GRIP1: variants seen among roughly 807,000 people sequenced by gnomAD.
The protein encoded by GRIP1 is glutamate receptor-interacting protein 1.
A neutral mutation model predicts 129.9 loss-of-function variants in GRIP1; 45 were observed. That is an observed-to-expected ratio of 0.35 (90% CI 0.27 to 0.44). The LOEUF (loss-of-function observed/expected upper bound fraction) is 0.44. GRIP1 is among the 20% of genes least tolerant of loss of function. The probability of loss-of-function intolerance (pLI) is 1.00; values close to 1 mark genes in which losing one functional copy is unlikely to be tolerated. For missense variants in GRIP1, 1,196 were observed against 1,396.8 expected (o/e 0.86, Z 2.29); for synonymous variants, 530 against 520.8 (o/e 1.02, Z -0.24).
intron 2 of GRIP1, among the ~76,000 whole-genome samples, chr12:66,543,889 A>C (rs753116600): frequency 6.6e-6 from 1 of 152,126 alleles, no homozygotes; most frequent in Non-Finnish European, 1.5e-5. Flanking sequence ...GGTCTATCCA[A>C]TTTTCATGAA....
chr12:66,829,005 G>GA (rs2039468819), intron 1 of GRIP1, among the ~76,000 whole-genome samples: 1 of 152,082 alleles, frequency 6.6e-6, no homozygotes, highest in African/African-American at 2.4e-5. Flanking sequence ...GAGGCAGACT[G>GA]AAAAAATGCC....
intron 1 of GRIP1, among the ~76,000 whole-genome samples, chr12:66,667,219 C>T (rs530952908): frequency 6.6e-6 from 1 of 152,152 alleles, no homozygotes; most frequent in Middle Eastern, 3.4e-3. Context: ...AAGTATTTGC[C>T]TTAACTTTGT....
chr12:66,660,910 T>C (rs1035253514), intron 1 of GRIP1, among the ~76,000 whole-genome samples: 2 of 152,132 alleles, frequency 1.3e-5, no homozygotes, highest in South Asian at 4.1e-4. Context: ...TATGTATACA[T>C]GTATACATGT....
intron 8 of GRIP1, 84 bp from the exon 9 acceptor site, chr12:66,463,177 A>C: frequency 8.5e-7 from 1 of 1,176,178 alleles, no homozygotes; most frequent in Middle Eastern, 1.9e-4. Flanking sequence ...TTAAAATTTC[A>C]CAGTTTTTCA....
At chr12:66,536,133 G>T (rs1008370140) in intron 4 of GRIP1, among the ~76,000 whole-genome samples, 2 of 152,126 alleles carry the variant, frequency 1.3e-5, no homozygotes, top group Non-Finnish European at 2.9e-5. Flanking sequence ...TCTCCCTTCA[G>T]AACAGATCTG....
At chr12:66,794,840 T>G (rs2038649527) in intron 1 of GRIP1, among the ~76,000 whole-genome samples, 1 of 152,186 alleles carries the variant, frequency 6.6e-6, no homozygotes, top group South Asian at 2.1e-4. Flanking sequence ...AGAGAGGTGT[T>G]TGTTCCTATA....
At chr12:66,715,213 G>T (rs902229273) in intron 1 of GRIP1, among the ~76,000 whole-genome samples, 18 of 152,024 alleles carry the variant, frequency 1.2e-4, no homozygotes, top group African/African-American at 4.3e-4. Flanking sequence ...GGTCTTTCAT[G>T]ACCTGCCTCC....
intron 1 of GRIP1, among the ~76,000 whole-genome samples, chr12:66,830,490 G>T (rs978276605): frequency 6.6e-6 from 1 of 152,146 alleles, no homozygotes; most frequent in African/African-American, 2.4e-5. Context: ...CATGCAGGCA[G>T]CCTGGAAAAG....
At chr12:66,516,671 A>G (rs1253275582) in intron 6 of GRIP1, among the ~76,000 whole-genome samples, 1 of 152,174 alleles carries the variant, frequency 6.6e-6, no homozygotes, top group Non-Finnish European at 1.5e-5. Flanking sequence ...GTTAATAAGA[A>G]ATGAAAACAT....
chr12:66,365,605 C>T (rs1203110996), intron 23 of GRIP1, among the ~76,000 whole-genome samples: 1 of 152,180 alleles, frequency 6.6e-6, no homozygotes, highest in Non-Finnish European at 1.5e-5. Flanking sequence ...TTCCACAGTT[C>T]TATGTTCCCC....
At chr12:66,660,773 CTGCTAGGTGCTAGGTA>C in intron 1 of GRIP1, among the ~76,000 whole-genome samples, 1 of 152,150 alleles carries the variant, frequency 6.6e-6, no homozygotes, top group South Asian at 2.1e-4. Context: ...TATTGATTCC[CTGCTAGGTGCTAGGTA>C]TTAAGGATAC....
chr12:66,815,788 A>C (rs113868115), intron 1 of GRIP1, among the ~76,000 whole-genome samples: 19 of 142,832 alleles, frequency 1.3e-4, no homozygotes, highest in African/African-American at 4.6e-4. Context: ...AACAAACAAA[A>C]AAAATGGGGA....
At chr12:66,517,584 C>G (rs1464276530) in intron 6 of GRIP1, among the ~76,000 whole-genome samples, 2 of 152,160 alleles carry the variant, frequency 1.3e-5, no homozygotes, top group African/African-American at 2.4e-5. Context: ...GCCATGCCCC[C>G]TGCAAGGCAT....
At chr12:66,379,523 A>T in intron 19 of GRIP1, 87 bp from the exon 20 acceptor site, 1 of 1,293,384 alleles carries the variant, frequency 7.7e-7, no homozygotes, top group Non-Finnish European at 1.1e-6. Flanking sequence ...GAGGAGTCAA[A>T]TTATAACGGC....
At chr12:66,622,976 C>T (rs1341137484) in intron 1 of GRIP1, among the ~76,000 whole-genome samples, 1 of 152,116 alleles carries the variant, frequency 6.6e-6, no homozygotes, top group Non-Finnish European at 1.5e-5. Flanking sequence ...AGCTGTCTCC[C>T]CCTCTATATT....
intron 1 of GRIP1, among the ~76,000 whole-genome samples, chr12:66,650,642 A>T (rs1199954522): frequency 6.6e-6 from 1 of 152,208 alleles, no homozygotes; most frequent in African/African-American, 2.4e-5. Flanking sequence ...AACTATCAGC[A>T]TTTAGACCAT....
intron 1 of GRIP1, among the ~76,000 whole-genome samples, chr12:66,719,695 T>C (rs1394857102): frequency 1.3e-5 from 2 of 152,230 alleles, no homozygotes; most frequent in Admixed American, 1.3e-4. Context: ...TGAACACTTT[T>C]GGCCATGAGG....
At chr12:66,994,385 C>T (rs7312342) in intron 1 of GRIP1, among the ~76,000 whole-genome samples, 17,719 of 151,416 alleles carry the variant, frequency 0.12, 1,248 homozygotes, top group African/African-American at 0.19. Context: ...AAATAAACCA[C>T]ATGATAATGT....
At chr12:67,027,305 C>A (rs1418311012) in intron 1 of GRIP1, among the ~76,000 whole-genome samples, 1 of 152,230 alleles carries the variant, frequency 6.6e-6, no homozygotes, top group Non-Finnish European at 1.5e-5. Context: ...ACCTGCAGCA[C>A]TTTCCTATCA....
Sources: gnomAD v4.1 joint callset for allele counts (sites outside exome capture counted in the v4.1 genomes callset) on GRCh38, gnomAD v4.1.1 for gene constraint, MANE v1.5 for transcripts, NCBI Gene and HGNC (gene_info 2026-07-23, HGNC 2026-07-21) for gene names.